The following ZNF33A variants were observed in gnomAD, a reference collection of about 807,000 sequenced individuals.
ZNF33A encodes brain my041 protein.
In ZNF33A, 9 loss-of-function variants were observed where a neutral mutation model predicts 15.9. The ratio of observed to expected loss-of-function variants is 0.57; its 90% CI spans 0.34 to 0.99. The LOEUF (loss-of-function observed/expected upper bound fraction) is 0.99, where lower values mean the gene tolerates loss of function less well. ZNF33A is among the 50% of genes least tolerant of loss of function. ZNF33A has a pLI of 0.02. For missense variants in ZNF33A, 843 were observed against 941.6 expected (o/e 0.90, Z 1.37); for synonymous variants, 294 against 324.2 (o/e 0.91, Z 1.00).
chr10:38,034,267 C>A (rs1438787934), intron 4 of ZNF33A, among the ~76,000 whole-genome samples: 1 of 152,158 alleles, frequency 6.6e-6, no homozygotes, highest in Non-Finnish European at 1.5e-5. Context: ...TAATGTCCTT[C>A]TTTGTTCCAG....
At position 38,054,444 on chromosome 10, in the gene ZNF33A, T is replaced by A; in HGVS notation, c.320T>A (p.Val107Glu). 5 of 1,609,000 alleles carry A rather than the reference T, an allele frequency of 3.1e-6. No homozygotes were observed. The highest frequency in any genetic ancestry group is 4.2e-6 in the Non-Finnish European group (5 of 1,178,420). The change falls in exon 5 of 5, where the codon GTA (valine) becomes GAA (glutamate). Residue 107 changes from valine to glutamate, a missense_variant. By Grantham distance (121) the Val-to-Glu change is moderately radical. Coordinates refer to ENST00000432900, the MANE Select transcript of ZNF33A (RefSeq NM_006954.2). Reference protein sequence around the residue: ...ENQSKHLWEVVFINNEMLTKE... With the variant: ...ENQSKHLWEVEFINNEMLTKE... The stretch of plus-strand genomic sequence containing the variant: ...CAATCTAAACATTTGTGGGAAGTTG[T>A]ATTCATCAATAATGAAATGCTGACT...
intron 4 of ZNF33A, among the ~76,000 whole-genome samples, chr10:38,048,618 C>T (rs1263732622): frequency 6.6e-6 from 1 of 152,104 alleles, no homozygotes; most frequent in African/African-American, 2.4e-5. Flanking sequence ...AAATTATTCA[C>T]AAGGCTGCAG....
At chr10:38,026,346 TG>T (rs2064988025) in intron 4 of ZNF33A, among the ~76,000 whole-genome samples, 2 of 149,412 alleles carry the variant, frequency 1.3e-5, no homozygotes, top group Non-Finnish European at 3.0e-5. Context: ...ATAGATAATT[TG>T]TTTTTGAAAC....
At chr10:38,051,626 A>G (rs2066208793) in intron 4 of ZNF33A, among the ~76,000 whole-genome samples, 1 of 124,964 alleles carries the variant, frequency 8.0e-6, no homozygotes, top group South Asian at 2.4e-4. Context: ...TTATTGTATC[A>G]TTTAAAGTTA....
Position 38,057,837 on chromosome 10 carries a change from A to G in ZNF33A, c.*1277A>G, listed in dbSNP as rs1414051348. ...CAGGGCCCTGGAAAGGCCCACACAT[A>G]CAGCCCAGGGCTGCCCAGGGCTGTT... On this transcript the variant is annotated 3_prime_UTR_variant, in exon 5 of 5. Transcript: ENST00000432900. 6 of 985,262 alleles carry G rather than the reference A, an allele frequency of 6.1e-6. No individual in the cohort carries two copies. Among genetic ancestry groups the G allele is most frequent in the Non-Finnish European group, 7.2e-6 (6 of 829,946 alleles). 61.0% of individuals were successfully genotyped at this position (985,262 alleles called of 1,614,324 possible).
At position 38,055,924 on chromosome 10, in the gene ZNF33A, T is replaced by C. The variant is rs759551181; in HGVS notation, c.1800T>C (p.Asn600=). 4 of 1,612,892 alleles carry C rather than the reference T, an allele frequency of 2.5e-6. No homozygotes were observed. Among genetic ancestry groups the C allele is most frequent in the Middle Eastern group, 1.7e-4 (1 of 6,060 alleles). ...FYNKSYLTKH[N]RTHTGEKPYE... Reference sequence around the variant, plus strand: ...ATAAATCATACCTAACTAAACATAATAGAACACATACAGGGGAGAAACCCT... The same window carrying C: ...ATAAATCATACCTAACTAAACATAACAGAACACATACAGGGGAGAAACCCT... The change falls in exon 5 of 5, where the codon AAT becomes AAC. Residue 600 remains asparagine, a synonymous_variant. Transcript: ENST00000432900.
chr10:38,039,720 A>G (rs533134737), intron 4 of ZNF33A: 3 of 370,636 alleles, frequency 8.1e-6, no homozygotes, highest in African/African-American at 6.4e-5. Context: ...CTGTAAGAGT[A>G]CTAGTAATAC....
rs2066525101 is a variant in ZNF33A, at chr10:38,057,270, T to G, written c.*710T>G. On this transcript the variant is annotated 3_prime_UTR_variant, in exon 5 of 5. Transcript: ENST00000432900. Reference sequence around the variant, plus strand: ...TACAAAGGATTTAGCCTCAAGTAGTTCCCTTTTTGTATTAATAACCACACG... The same window carrying G: ...TACAAAGGATTTAGCCTCAAGTAGTGCCCTTTTTGTATTAATAACCACACG... 2.0e-6 allele frequency: 2 copies of G among 984,892 alleles called. No homozygotes were observed. Among genetic ancestry groups the G allele is most frequent in the Non-Finnish European group, 1.2e-6 (1 of 829,538 alleles). 61.0% of individuals were successfully genotyped at this position (984,892 alleles called of 1,614,324 possible).
chr10:38,056,969 G>A lies in ZNF33A; in HGVS notation c.*409G>A, dbSNP rs2066509373. On this transcript the variant is annotated 3_prime_UTR_variant, in exon 5 of 5. Transcript: ENST00000432900. ...AATAACCTCACAAGAAGTTTAATGA[G>A]TAGAGAGAATTCCCATGTACACTTC... 2.2e-6 allele frequency: 2 copies of A among 890,446 alleles called. No homozygotes were observed. The highest frequency in any genetic ancestry group is 5.0e-5 in the South Asian group (1 of 19,852). 55.2% of individuals were successfully genotyped at this position (890,446 alleles called of 1,614,324 possible). A position where few individuals can be genotyped will look rare whatever the true frequency, so the allele number is the denominator to read the frequency against.
At position 38,010,751 on chromosome 10, in the gene ZNF33A, T is replaced by G; in HGVS notation, c.-77T>G. 1 of 1,598,456 alleles carries G rather than the reference T, an allele frequency of 6.3e-7. No individual in the cohort carries two copies. The highest frequency in any genetic ancestry group is 8.5e-7 in the Non-Finnish European group (1 of 1,179,806). On this transcript the variant is annotated 5_prime_UTR_variant, in exon 1 of 5. Coordinates refer to ENST00000432900, the MANE Select transcript of ZNF33A (RefSeq NM_006954.2). The stretch of plus-strand genomic sequence containing the variant: ...GGGATTTCAAGGGTCTACGCGCTTT[T>G]CTATGGCGAATGCAACCCGACGAGG...
chr10:38,013,973 A>G (rs879478322), intron 2 of ZNF33A, among the ~76,000 whole-genome samples: 3 of 150,828 alleles, frequency 2.0e-5, no homozygotes, highest in Non-Finnish European at 3.0e-5. Context: ...CTTCAGTGGC[A>G]GAGTTGAATA....
intron 4 of ZNF33A, among the ~76,000 whole-genome samples, chr10:38,037,658 C>T (rs2065511647): frequency 6.6e-6 from 1 of 152,092 alleles, no homozygotes; most frequent in Admixed American, 6.6e-5. Flanking sequence ...ATTGTGTTGG[C>T]ATCATTGTTG....
At chr10:38,019,975 A>G (rs887016782) in intron 4 of ZNF33A, among the ~76,000 whole-genome samples, 2 of 152,202 alleles carry the variant, frequency 1.3e-5, no homozygotes, top group African/African-American at 2.4e-5. Context: ...TTCAAGTGGT[A>G]AAATGTCTGA....
chr10:38,017,889 G>T (rs2064536976), intron 4 of ZNF33A, among the ~76,000 whole-genome samples: 1 of 152,178 alleles, frequency 6.6e-6, no homozygotes, highest in Non-Finnish European at 1.5e-5. Flanking sequence ...GAGGTCAGGA[G>T]TTCCACAACA....
chr10:38,024,163 C>CCAAAAAAA (rs1554902706), intron 4 of ZNF33A, among the ~76,000 whole-genome samples: 1 of 93,214 alleles, frequency 1.1e-5, no homozygotes, highest in Non-Finnish European at 2.1e-5. Flanking sequence ...AAAAACAAAA[C>CCAAAAAAA]AAAAAAAAAA....
intron 4 of ZNF33A, among the ~76,000 whole-genome samples, chr10:38,051,895 A>G (rs1452856061): frequency 2.0e-5 from 3 of 152,158 alleles, no homozygotes; most frequent in Admixed American, 6.5e-5. Context: ...GACCATTTCA[A>G]TATATGCAGA....
intron 4 of ZNF33A, among the ~76,000 whole-genome samples, chr10:38,019,425 G>A (rs1215436887): frequency 1.3e-5 from 2 of 152,098 alleles, no homozygotes; most frequent in Non-Finnish European, 2.9e-5. Context: ...TTGCTATTGT[G>A]AATAGTGCCG....
At chr10:38,015,941 C>T (rs2064432900) in intron 2 of ZNF33A, 1 of 1,205,728 alleles carries the variant, frequency 8.3e-7, no homozygotes, top group East Asian at 3.2e-5. Context: ...GCTCATATCT[C>T]ATCTTTGGCT....
At chr10:38,035,106 ACTTT>A (rs2065382531) in intron 4 of ZNF33A, among the ~76,000 whole-genome samples, 1 of 100,088 alleles carries the variant, frequency 1.0e-5, no homozygotes, top group Non-Finnish European at 2.0e-5. Flanking sequence ...TCATCCATTT[ACTTT>A]CTTTTTTTTT....
Sources: allele counts gnomAD v4.1 joint callset (sites outside exome capture counted in the v4.1 genomes callset), GRCh38; gene constraint gnomAD v4.1.1; transcripts MANE v1.5; gene names NCBI Gene and HGNC (gene_info 2026-07-23, HGNC 2026-07-21).